Variants in RBFOX1 observed in about 807,000 individuals in gnomAD.
RBFOX1 encodes RNA binding protein fox-1 homolog 1.
A neutral mutation model predicts 57.7 loss-of-function variants in RBFOX1; 8 were observed. The observed-to-expected ratio is 0.14, with a 90% CI of 0.08 to 0.25. RBFOX1 has a LOEUF of 0.25. RBFOX1 is among the 10% of genes least tolerant of loss of function. The pLI is 1.00. For synonymous variants in RBFOX1, 326 were observed against 222.4 expected, an observed-to-expected ratio of 1.47 and a Z score of -4.15; for missense variants, 611 against 548.5, an observed-to-expected ratio of 1.11 and a Z score of -1.14.
chr16:6,701,027 T>A (rs1157845878), intron 3 of RBFOX1, among the ~76,000 whole-genome samples: 1 of 142,672 alleles, frequency 7.0e-6, no homozygotes, highest in Non-Finnish European at 1.5e-5. Flanking sequence ...GAGAGCAGAG[T>A]TGGGCAGAGG....
chr16:7,179,784 G>T (rs574651769), intron 4 of RBFOX1, among the ~76,000 whole-genome samples: 111 of 152,066 alleles, frequency 7.3e-4, no homozygotes, highest in Non-Finnish European at 1.2e-3. Context: ...ACTCAGTCTG[G>T]AATGCAGTGG....
chr16:7,707,983 C>G (rs1254412423), intron 14 of RBFOX1, among the ~76,000 whole-genome samples: 2 of 152,170 alleles, frequency 1.3e-5, no homozygotes, highest in African/African-American at 2.4e-5. Flanking sequence ...AGGAAAATAT[C>G]TGGCAGGGCA....
intron 3 of RBFOX1, among the ~76,000 whole-genome samples, chr16:6,817,868 C>G (rs1342499639): frequency 6.6e-6 from 1 of 152,036 alleles, no homozygotes; most frequent in African/African-American, 2.4e-5. Context: ...ACAGGAGATC[C>G]CAAGCCCTTC....
chr16:7,596,130 AAAAAAC>A (rs2094684166), intron 8 of RBFOX1, among the ~76,000 whole-genome samples: 1 of 2,638 alleles, frequency 3.8e-4, no homozygotes, highest in African/African-American at 2.4e-3. Context: ...TTTGTGGAAA[AAAAAAC>A]AAAAAAAAAA....
At chr16:6,100,902 G>A (rs1395267468) in intron 1 of RBFOX1, among the ~76,000 whole-genome samples, 1 of 152,132 alleles carries the variant, frequency 6.6e-6, no homozygotes, top group Non-Finnish European at 1.5e-5. Flanking sequence ...CTGAGATGAA[G>A]AGTTTCAGAG....
intron 1 of RBFOX1, among the ~76,000 whole-genome samples, chr16:5,250,005 GAGGAGGAGGTTGCAGTA>G (rs1231234612): frequency 4.5e-4 from 68 of 151,756 alleles, no homozygotes; most frequent in Middle Eastern, 3.4e-3. Context: ...AGGTTGCAGT[GAGGAGGAGGTTGCAGTA>G]AGGAGGAGGT....
chr16:6,951,793 G>A (rs1306763917), intron 3 of RBFOX1, among the ~76,000 whole-genome samples: 1 of 152,072 alleles, frequency 6.6e-6, no homozygotes, highest in Non-Finnish European at 1.5e-5. Flanking sequence ...GAGTGCAGTG[G>A]CATAATCCAG....
chr16:7,684,072 T>C (rs1474969733), intron 14 of RBFOX1, among the ~76,000 whole-genome samples: 1 of 152,136 alleles, frequency 6.6e-6, no homozygotes, highest in East Asian at 1.9e-4. Context: ...TCATTTTAAG[T>C]TATCAAAGCA....
intron 11 of RBFOX1, among the ~76,000 whole-genome samples, chr16:7,631,261 A>T (rs1016155116): frequency 7.2e-4 from 110 of 152,222 alleles, no homozygotes; most frequent in Admixed American, 3.1e-3. Context: ...ACTGTCTTTT[A>T]AAAAATCGGG....
chr16:6,917,823 G>C (rs1168070665), intron 3 of RBFOX1, among the ~76,000 whole-genome samples: 2 of 152,106 alleles, frequency 1.3e-5, no homozygotes, highest in African/African-American at 4.8e-5. Context: ...TAGAGAACAG[G>C]GCCCTGGGGG....
At chr16:5,315,645 G>A (rs4786670) in intron 1 of RBFOX1, among the ~76,000 whole-genome samples, 7 of 152,006 alleles carry the variant, frequency 4.6e-5, no homozygotes, top group African/African-American at 7.3e-5. Context: ...CAGAAAGTGC[G>A]TTTGCAAGGA....
At chr16:5,788,704 GCTC>G (rs1428725976) in intron 3 of RBFOX1, among the ~76,000 whole-genome samples, 4 of 152,084 alleles carry the variant, frequency 2.6e-5, no homozygotes, top group Non-Finnish European at 5.9e-5. Flanking sequence ...CAAACTGTGA[GCTC>G]CTCAGCGAGT....
At chr16:5,864,723 T>C (rs1380731433) in intron 3 of RBFOX1, among the ~76,000 whole-genome samples, 1 of 152,188 alleles carries the variant, frequency 6.6e-6, no homozygotes, top group South Asian at 2.1e-4. Context: ...GATCAGAAAC[T>C]GGAAGTCCAA....
intron 4 of RBFOX1, among the ~76,000 whole-genome samples, chr16:5,966,943 C>T (rs139095763): frequency 7.7e-6 from 1 of 130,184 alleles, no homozygotes. Context: ...TTTCTCCAGT[C>T]TAACACTGAT....
Position 7,711,049 on chromosome 16 carries a change from G to A in RBFOX1, c.*304G>A, listed in dbSNP as rs1005484217. On this transcript the variant is annotated 3_prime_UTR_variant, in exon 16 of 16. Transcript: ENST00000550418. ...AAACTGGTTTAGGGCCATATCCAGA[G>A]TGCTATATTATGTAAATGAATTATA... The A allele has an allele frequency of 1.2e-5, 3 of 246,146 alleles. No homozygotes were observed. The highest frequency in any genetic ancestry group is 2.2e-5 in the African/African-American group (1 of 44,906). 15.2% of individuals were successfully genotyped at this position (246,146 alleles called of 1,614,324 possible).
intron 4 of RBFOX1, among the ~76,000 whole-genome samples, chr16:7,091,917 A>C (rs188451044): frequency 3.2e-4 from 48 of 152,332 alleles, no homozygotes; most frequent in African/African-American, 9.6e-4. Context: ...TGCCAGTTTA[A>C]TTTAAGGTCT....
At chr16:5,540,969 C>T (rs1376424312) in intron 2 of RBFOX1, among the ~76,000 whole-genome samples, 1 of 152,134 alleles carries the variant, frequency 6.6e-6, no homozygotes. Context: ...CCTGCCTCAG[C>T]GTCCTGAGTA....
At chr16:5,430,465 A>T (rs1383452738) in intron 1 of RBFOX1, among the ~76,000 whole-genome samples, 2 of 152,156 alleles carry the variant, frequency 1.3e-5, no homozygotes, top group Non-Finnish European at 2.9e-5. Flanking sequence ...CTGGGGCTGG[A>T]GCTGGAGGAG....
intron 3 of RBFOX1, among the ~76,000 whole-genome samples, chr16:6,655,429 A>T (rs901396647): frequency 3.9e-5 from 5 of 128,516 alleles, no homozygotes; most frequent in Non-Finnish European, 7.5e-5. Flanking sequence ...TTCCATCACA[A>T]CACATCAACA....
Sources: gnomAD v4.1 joint callset for allele counts (sites outside exome capture counted in the v4.1 genomes callset) on GRCh38, gnomAD v4.1.1 for gene constraint, MANE v1.5 for transcripts, NCBI Gene and HGNC (gene_info 2026-07-23, HGNC 2026-07-21) for gene names.